KANSL1: variants seen among roughly 807,000 people sequenced by gnomAD.
The protein encoded by KANSL1 is KAT8 regulatory NSL complex subunit 1, also known as MLL1/MLL complex subunit KANSL1.
Under a neutral mutation model 103.6 loss-of-function variants are expected in KANSL1, and 22 were observed. That is an observed-to-expected ratio of 0.21 (90% confidence interval 0.15 to 0.30). KANSL1 has a LOEUF of 0.30. KANSL1 is among the 10% of genes least tolerant of loss of function. The pLI, the probability that KANSL1 is intolerant of heterozygous loss-of-function variation, is 1.00. For missense variants in KANSL1, 1,337 were observed against 1,399.8 expected, an observed-to-expected ratio of 0.96 and a Z score of 0.72; for synonymous variants, 600 against 527.6, an observed-to-expected ratio of 1.14 and a Z score of -1.88.
In KANSL1 at chr17:46,031,667, C is replaced by G. The variant is rs769463549; in HGVS notation, c.3127G>C (p.Ala1043Pro). ...TCACACTCCGCCTGGGGACTGTGCG[C>G]CAGGGGGAAGGTCCGCCGCTCCCAG... ...QPWERRTFPL[A>P]HSPQAECEDQ... Residue 1043 changes from alanine (A) to proline (P), a missense_variant, in exon 15 of 15, where the codon GCG becomes CCG. By Grantham distance (27) the Ala-to-Pro change is conservative. Around this residue, in one of 2 missense-constraint regions of KANSL1, gnomAD observed 780 missense variants for 923.4 expected, o/e 0.84. Transcript: ENST00000432791. The G allele has an allele frequency of 6.2e-7, 1 of 1,610,612 alleles. No homozygotes were observed. Among genetic ancestry groups the G allele is most frequent in the Non-Finnish European group, 8.5e-7 (1 of 1,177,178 alleles).
At chr17:46,208,070 C>T (rs2732668) in intron 1 of KANSL1, among the ~76,000 whole-genome samples, 18,210 of 150,914 alleles carry the variant, frequency 0.12, 1 homozygote, top group Non-Finnish European at 0.18. Context: ...AAGATCACAC[C>T]ACTGCACTCC....
chr17:46,172,290 ATT>A, intron 1 of KANSL1, 58 bp from the exon 2 acceptor site: 1 of 845,874 alleles, frequency 1.2e-6, no homozygotes, highest in Non-Finnish European at 1.8e-6. Flanking sequence ...AAACATGTAT[ATT>A]TTTAACAAAA....
chr17:46,157,000 CAG>C (rs2045469527), intron 2 of KANSL1: 1 of 152,282 alleles, frequency 6.6e-6, no homozygotes, highest in South Asian at 2.1e-4. Context: ...ATCTAACCAC[CAG>C]AGAAGTGTTT....
intron 4 of KANSL1, among the ~76,000 whole-genome samples, chr17:46,074,809 A>G (rs1417916360): frequency 6.7e-6 from 1 of 150,008 alleles, no homozygotes; most frequent in Non-Finnish European, 1.5e-5. Context: ...ATAAATAAAT[A>G]TTGTCAGTTA....
chr17:46,068,883 T>C (rs531751562), intron 4 of KANSL1, among the ~76,000 whole-genome samples: 85 of 152,348 alleles, frequency 5.6e-4, no homozygotes, highest in African/African-American at 2.0e-3. Flanking sequence ...CCCTCAGTTC[T>C]AGCAATTGTT....
At chr17:46,181,620 TG>T (rs1170026441) in intron 1 of KANSL1, among the ~76,000 whole-genome samples, 1 of 152,152 alleles carries the variant, frequency 6.6e-6, no homozygotes, top group Non-Finnish European at 1.5e-5. Context: ...TTAGTAGAGA[TG>T]GGGTTTCACC....
intron 2 of KANSL1, among the ~76,000 whole-genome samples, chr17:46,138,783 A>G (rs2044277699): frequency 6.6e-6 from 1 of 152,260 alleles, no homozygotes; most frequent in Admixed American, 6.5e-5. Context: ...CAAGGGTCAC[A>G]CCTGACAGTA....
intron 1 of KANSL1, among the ~76,000 whole-genome samples, chr17:46,204,093 G>A (rs1230553365): frequency 4.6e-5 from 7 of 152,000 alleles, no homozygotes; most frequent in Non-Finnish European, 8.8e-5. Context: ...GAGACAGGAG[G>A]AGTGCTTGAA....
At chr17:46,104,323 C>A (rs934056419) in intron 2 of KANSL1, among the ~76,000 whole-genome samples, 2 of 152,142 alleles carry the variant, frequency 1.3e-5, no homozygotes, top group Non-Finnish European at 2.9e-5. Context: ...CCAGAAAATA[C>A]CCAGAAGCAT....
chr17:46,183,548 GAA>G (rs1250371040), intron 1 of KANSL1, among the ~76,000 whole-genome samples: 2 of 150,952 alleles, frequency 1.3e-5, no homozygotes, highest in Non-Finnish European at 3.0e-5. Flanking sequence ...TCAAAAGAAG[GAA>G]AAGAGGAGAG....
At chr17:46,106,471 C>A (rs370669036) in intron 2 of KANSL1, among the ~76,000 whole-genome samples, 16 of 152,328 alleles carry the variant, frequency 1.1e-4, no homozygotes, top group African/African-American at 3.1e-4. Flanking sequence ...CGGCTCACTG[C>A]AACCTCTGCC....
intron 1 of KANSL1, among the ~76,000 whole-genome samples, chr17:46,181,515 C>A (rs960629142): frequency 6.6e-6 from 1 of 152,152 alleles, no homozygotes; most frequent in African/African-American, 2.4e-5. Context: ...CTGCAACCTC[C>A]GCCTCCCAGG....
intron 6 of KANSL1, among the ~76,000 whole-genome samples, chr17:46,057,469 C>A (rs1348876558): frequency 6.6e-6 from 1 of 151,932 alleles, no homozygotes; most frequent in Non-Finnish European, 1.5e-5. Context: ...AAAAGAAAAA[C>A]AGAAATGATA....
At position 46,031,539 on chromosome 17, in the gene KANSL1, A is replaced by G. The variant is rs1414586321; in HGVS notation, c.3255T>C (p.Ile1085=). Residue 1085 remains isoleucine, a synonymous_variant, in exon 15 of 15, where the codon ATT becomes ATC. Coordinates refer to ENST00000432791, the MANE Select transcript of KANSL1 (RefSeq NM_015443.4). ...CCAGATGCCGACTCTTGAGGGGGACAATGGGAGGCGAGGTGGGCGCTGCCT... is the reference window on the plus strand; with the variant it reads ...CCAGATGCCGACTCTTGAGGGGGACGATGGGAGGCGAGGTGGGCGCTGCCT... ...ETEAAPTSPP[I]VPLKSRHLVA... 1.2e-6 allele frequency: 2 copies of G among 1,613,954 alleles called. No individual in the cohort carries two copies. The highest frequency in any genetic ancestry group is 1.3e-5 in the African/African-American group (1 of 74,926).
chr17:46,164,433 G>A (rs1365067487), intron 2 of KANSL1, among the ~76,000 whole-genome samples: 1 of 152,266 alleles, frequency 6.6e-6, no homozygotes, highest in Non-Finnish European at 1.5e-5. Flanking sequence ...GTGCAGATTA[G>A]GAGAAAAGCC....
chr17:46,074,386 G>T (rs754779773), intron 4 of KANSL1, among the ~76,000 whole-genome samples: 1 of 152,088 alleles, frequency 6.6e-6, no homozygotes, highest in Non-Finnish European at 1.5e-5. Flanking sequence ...GAGGGGGGAA[G>T]ACACCTCTTC....
intron 2 of KANSL1, among the ~76,000 whole-genome samples, chr17:46,099,432 ACT>A (rs1416233040): frequency 1.3e-5 from 2 of 152,196 alleles, no homozygotes; most frequent in Admixed American, 6.5e-5. Flanking sequence ...TAAATTTATC[ACT>A]CTGACAATTT....
intron 2 of KANSL1, among the ~76,000 whole-genome samples, chr17:46,157,515 T>C (rs1012210661): frequency 2.0e-5 from 3 of 152,250 alleles, no homozygotes; most frequent in African/African-American, 7.2e-5. Flanking sequence ...TGTCAATGTC[T>C]TGAATGTACA....
intron 6 of KANSL1, among the ~76,000 whole-genome samples, chr17:46,057,965 T>C (rs1299852643): frequency 6.6e-6 from 1 of 151,988 alleles, no homozygotes; most frequent in Non-Finnish European, 1.5e-5. Context: ...ATAAATGGGG[T>C]GGTCTCTAAG....
Sources: gnomAD v4.1 joint callset for allele counts (sites outside exome capture counted in the v4.1 genomes callset) on GRCh38, gnomAD v4.1.1 for gene constraint, gnomAD v4.1.1 regional missense constraint, MANE v1.5 for transcripts, NCBI Gene and HGNC (gene_info 2026-07-23, HGNC 2026-07-21) for gene names.